The following TRPM8 variants were observed in gnomAD, a reference collection of about 807,000 sequenced individuals.
TRPM8 encodes the protein TRPM8 cationic channel.
Under a neutral mutation model 133.7 loss-of-function variants are expected in TRPM8, and 110 were observed. That is an observed-to-expected ratio of 0.82 (90% confidence interval 0.70 to 0.96). The LOEUF is 0.96. Ranked by LOEUF, TRPM8 falls within the 40% of genes least tolerant of loss-of-function variation. The pLI, the probability that TRPM8 is intolerant of heterozygous loss-of-function variation, is 0.00. For synonymous variants in TRPM8, 535 were observed against 532.3 expected, an observed-to-expected ratio of 1.01 and a Z score of -0.07; for missense variants, 1,291 against 1,379.5, an observed-to-expected ratio of 0.94 and a Z score of 1.02.
At chr2:233,995,386 G>A (rs1320512941) in intron 21 of TRPM8, among the ~76,000 whole-genome samples, 2 of 152,178 alleles carry the variant, frequency 1.3e-5, no homozygotes, top group Non-Finnish European at 2.9e-5. Flanking sequence ...TTTGGAGTAA[G>A]ACACAAAATG....
At chr2:233,981,283 A>AG (rs1484932665) in intron 18 of TRPM8, among the ~76,000 whole-genome samples, 3 of 152,200 alleles carry the variant, frequency 2.0e-5, no homozygotes, top group Non-Finnish European at 4.4e-5. Flanking sequence ...ATATGATTCT[A>AG]GATCACTCCA....
intron 25 of TRPM8, among the ~76,000 whole-genome samples, chr2:234,015,055 G>T (rs182719291): frequency 6.6e-6 from 1 of 152,176 alleles, no homozygotes; most frequent in Non-Finnish European, 1.5e-5. Flanking sequence ...ACCCAAAGAT[G>T]TCTTATTCTC....
chr2:233,963,418 G>A (rs745673585), intron 13 of TRPM8, 41 bp downstream of exon 13: 13 of 1,278,432 alleles, frequency 1.0e-5, no homozygotes, highest in Non-Finnish European at 1.1e-6. Context: ...CCAAATATAT[G>A]CTTTGTTATA....
chr2:233,928,678 T>A (rs1691619265), intron 2 of TRPM8, among the ~76,000 whole-genome samples: 1 of 152,130 alleles, frequency 6.6e-6, no homozygotes, highest in Non-Finnish European at 1.5e-5. Context: ...TTTCAAAATG[T>A]TTGTGTTGAA....
At chr2:233,993,176 G>T (rs1023458500) in intron 21 of TRPM8, among the ~76,000 whole-genome samples, 1 of 152,140 alleles carries the variant, frequency 6.6e-6, no homozygotes, top group African/African-American at 2.4e-5. Flanking sequence ...GTTATCAGCT[G>T]GTTCATTCAC....
intron 1 of TRPM8, among the ~76,000 whole-genome samples, chr2:233,918,114 T>C (rs977752238): frequency 6.6e-6 from 1 of 152,160 alleles, no homozygotes; most frequent in African/African-American, 2.4e-5. Context: ...ATTCTTGAGC[T>C]GAACATAAGG....
chr2:233,987,879 G>A (rs1416071819), intron 21 of TRPM8, among the ~76,000 whole-genome samples: 1 of 151,986 alleles, frequency 6.6e-6, no homozygotes, highest in Non-Finnish European at 1.5e-5. Context: ...TTTGCCTGCT[G>A]CCATCCACGT....
In TRPM8 at chr2:233,964,648, A is replaced by C. The variant is rs1364677183; in HGVS notation, c.1770A>C (p.Ala590=). The C allele has an allele frequency of 6.2e-6, 10 of 1,605,172 alleles. No individual in the cohort carries two copies. Among genetic ancestry groups the C allele is most frequent in the Non-Finnish European group, 7.7e-6 (9 of 1,174,096 alleles). The change falls in exon 14 of 26, where the codon GCA becomes GCC. Residue 590 remains alanine, a synonymous_variant. Transcript: ENST00000324695. The part of the protein sequence containing the change: ...IWEQTRGCTL[A]ALGASKLLKT... ...AAAAGACCAGGGGCTGCACTCTGGC[A>C]GCCCTGGGAGCCAGCAAGCTTCTGA...
At chr2:233,976,830 A>G (rs573805838) in intron 17 of TRPM8, among the ~76,000 whole-genome samples, 3 of 152,244 alleles carry the variant, frequency 2.0e-5, no homozygotes, top group Non-Finnish European at 4.4e-5. Context: ...GAACATAGCC[A>G]TGGAGATTCT....
At chr2:233,997,351 ACTC>A (rs896334320) in intron 22 of TRPM8, among the ~76,000 whole-genome samples, 18 of 151,668 alleles carry the variant, frequency 1.2e-4, no homozygotes, top group African/African-American at 3.6e-4. Flanking sequence ...CAGAGGTGAG[ACTC>A]CTCCTCCCTG....
At chr2:233,926,471 C>A (rs1440585777) in intron 1 of TRPM8, 62 bp from the exon 2 acceptor site, 3 of 1,276,348 alleles carry the variant, frequency 2.4e-6, no homozygotes, top group African/African-American at 1.5e-5. Context: ...TGGGGTGAAG[C>A]TTTGAAGGAA....
In TRPM8 at chr2:233,989,825, C is replaced by A. The variant is rs11563057; in HGVS notation, c.2939+3960C>A. On this transcript the variant is annotated intron_variant, in intron 21 of 25. Coordinates refer to ENST00000324695, the MANE Select transcript of TRPM8 (RefSeq NM_024080.5). This position sits in a 1 kb window ranked among gnomAD's most constrained non-coding sequence, Gnocchi z 4.2. ...TCACAGGGCCTGTGTGGCTTATCAGCGGCAGGAAGTGAATTTAAAGTCAGT... is the reference window on the plus strand; with the variant it reads ...TCACAGGGCCTGTGTGGCTTATCAGAGGCAGGAAGTGAATTTAAAGTCAGT... 3.3e-5 allele frequency among the ~76,000 whole-genome samples: 5 copies of A among 152,086 alleles called. No individual in the cohort carries two copies. Among genetic ancestry groups the A allele is most frequent in the African/African-American group, 1.2e-4 (5 of 41,392 alleles).
chr2:233,978,010 T>C (rs1201310747), intron 17 of TRPM8, among the ~76,000 whole-genome samples: 1 of 152,060 alleles, frequency 6.6e-6, no homozygotes, highest in East Asian at 1.9e-4. Context: ...CATAAAGATA[T>C]GAATGTATGC....
At chr2:233,945,490 T>TAC (rs139173273) in intron 6 of TRPM8, among the ~76,000 whole-genome samples, 24 of 151,766 alleles carry the variant, frequency 1.6e-4, no homozygotes, top group Admixed American at 5.9e-4. Context: ...CACACACAAA[T>TAC]ACACACACAC....
At position 233,939,149 on chromosome 2, in the gene TRPM8, G is replaced by A. The variant is rs774543299; in HGVS notation, c.500G>A (p.Arg167Gln). 65 of 1,614,104 alleles carry A rather than the reference G, an allele frequency of 4.0e-5. No homozygotes were observed. The highest frequency in any genetic ancestry group is 5.3e-5 in the Non-Finnish European group (63 of 1,180,032). Residue 167 changes from arginine (R) to glutamine (Q), a missense_variant, in exon 5 of 26, where the codon CGG becomes CAG. Transcript: ENST00000324695. ...LKPRMRKIFS[R>Q]LIYIAQSKGA... ...CCGCGCATGCGCAAGATCTTCAGCC[G>A]GCTCATCTACATCGCGCAGTCCAAA...
chr2:233,919,961 G>T (rs941452993), intron 1 of TRPM8, among the ~76,000 whole-genome samples: 2 of 152,166 alleles, frequency 1.3e-5, no homozygotes, highest in Non-Finnish European at 2.9e-5. Context: ...GCACTTTAAG[G>T]ACAAGGGGGT....
intron 11 of TRPM8, among the ~76,000 whole-genome samples, chr2:233,956,997 T>C (rs1366564110): frequency 6.6e-6 from 1 of 152,192 alleles, no homozygotes; most frequent in African/African-American, 2.4e-5. Flanking sequence ...GGTTAAGGGT[T>C]AAGGGCACAA....
chr2:233,926,461 T>A lies in TRPM8; in HGVS notation c.-5-72T>A, dbSNP rs2125037444. The A allele has an allele frequency of 4.4e-6, 5 of 1,145,990 alleles. No individual in the cohort carries two copies. In the East Asian group the frequency reaches 1.2e-4, roughly 27 times the overall value. 71.0% of individuals were successfully genotyped at this position (1,145,990 alleles called of 1,614,324 possible). ...GGAGAGGGTGGAGGGAAAACGGCAT[T>A]GGGGTGAAGCTTTGAAGGAAGCCCT... On this transcript the variant is annotated intron_variant, in intron 1 of 25. Transcript: ENST00000324695.
At chr2:233,929,950 A>G (rs1691648084) in intron 2 of TRPM8, among the ~76,000 whole-genome samples, 1 of 152,064 alleles carries the variant, frequency 6.6e-6, no homozygotes, top group Non-Finnish European at 1.5e-5. Context: ...TTTATGGGTT[A>G]TTCTCTTTCA....
Sources: allele counts gnomAD v4.1 joint callset (sites outside exome capture counted in the v4.1 genomes callset), GRCh38; gene constraint gnomAD v4.1.1; non-coding constraint Gnocchi (gnomAD v3.1); transcripts MANE v1.5; gene names NCBI Gene and HGNC (gene_info 2026-07-23, HGNC 2026-07-21).